NAALADL2: variants seen among roughly 807,000 people sequenced by gnomAD.
NAALADL2 encodes N-acetylated alpha-linked acidic dipeptidase like 2.
Under a neutral mutation model 87.2 loss-of-function variants are expected in NAALADL2, and 76 were observed. The observed-to-expected ratio is 0.87, with a 90% CI of 0.72 to 1.05. NAALADL2 has a LOEUF of 1.05. Among genes scored for constraint, NAALADL2 ranks in the 50% least tolerant of loss-of-function variants. NAALADL2 has a pLI of 0.00. For synonymous variants in NAALADL2, 354 were observed against 331.0 expected (o/e 1.07, Z -0.75); for missense variants, 1,089 against 945.8 (o/e 1.15, Z -1.99).
chr3:175,007,927 G>C (rs781012366), intron 1 of NAALADL2, among the ~76,000 whole-genome samples: 1 of 151,984 alleles, frequency 6.6e-6, no homozygotes, highest in Non-Finnish European at 1.5e-5. Flanking sequence ...AGCCACCATC[G>C]ATCTGATAAC....
At chr3:175,117,566 G>A (rs113773682) in intron 2 of NAALADL2, among the ~76,000 whole-genome samples, 89,635 of 149,052 alleles carry the variant, frequency 0.6, 27,468 homozygotes, top group African/African-American at 0.73. Context: ...CCACAATGAG[G>A]TACCATCTCA....
intron 13 of NAALADL2, 22 bp from the exon 14 acceptor site, chr3:175,802,983 T>C (rs777169611): frequency 2.6e-6 from 4 of 1,537,156 alleles, no homozygotes; most frequent in South Asian, 2.3e-5. Context: ...GAAACATTTA[T>C]ACATTTTGTA....
intron 2 of NAALADL2, among the ~76,000 whole-genome samples, chr3:174,701,748 T>C (rs1157663974): frequency 6.6e-6 from 1 of 152,198 alleles, no homozygotes; most frequent in Non-Finnish European, 1.5e-5. Flanking sequence ...CCAGCATCCA[T>C]CCATGTTGTA....
At chr3:174,725,817 C>T (rs990271572) in intron 2 of NAALADL2, among the ~76,000 whole-genome samples, 22 of 152,260 alleles carry the variant, frequency 1.4e-4, no homozygotes, top group African/African-American at 5.1e-4. Context: ...CAGTAATCAA[C>T]CTAAAGCCAC....
At chr3:175,574,196 T>C (rs1718520979) in intron 9 of NAALADL2, among the ~76,000 whole-genome samples, 1 of 152,192 alleles carries the variant, frequency 6.6e-6, no homozygotes, top group South Asian at 2.1e-4. Context: ...GCAAAAGACA[T>C]GGTGATCTGA....
intron 2 of NAALADL2, among the ~76,000 whole-genome samples, chr3:175,105,491 ATG>A (rs60465385): frequency 0.43 from 63,819 of 149,878 alleles, 13,633 homozygotes; most frequent in East Asian, 0.52. Context: ...CTATGTATGT[ATG>A]TGTGTGTATA....
chr3:175,734,350 C>G (rs1744210013), intron 11 of NAALADL2, among the ~76,000 whole-genome samples: 1 of 151,988 alleles, frequency 6.6e-6, no homozygotes, highest in Non-Finnish European at 1.5e-5. Flanking sequence ...GTCAGGAGAT[C>G]AAGACCATCC....
chr3:175,045,296 A>G (rs1428058655), intron 1 of NAALADL2, among the ~76,000 whole-genome samples: 1 of 152,100 alleles, frequency 6.6e-6, no homozygotes, highest in Non-Finnish European at 1.5e-5. Flanking sequence ...GAAAATTTCT[A>G]TTAGTTCATT....
At chr3:174,858,414 C>T (rs1384139744), upstream of NAALADL2, among the ~76,000 whole-genome samples, 1 of 151,888 alleles carries the variant, frequency 6.6e-6, no homozygotes, top group East Asian at 1.9e-4. Flanking sequence ...ATTTGTTGCT[C>T]TTGTTTGCTG....
intron 1 of NAALADL2, among the ~76,000 whole-genome samples, chr3:175,056,107 C>T (rs1043021348): frequency 1.3e-5 from 2 of 152,072 alleles, no homozygotes; most frequent in Non-Finnish European, 2.9e-5. Context: ...GAGGCAACTA[C>T]TTTTTGCCCA....
At chr3:175,526,750 C>T (rs1002325155) in intron 9 of NAALADL2, among the ~76,000 whole-genome samples, 2 of 152,124 alleles carry the variant, frequency 1.3e-5, no homozygotes, top group Non-Finnish European at 2.9e-5. Context: ...TATTGTTCTG[C>T]TTTAATTTGT....
chr3:174,594,173 A>G lies in NAALADL2; in HGVS notation c.-115+43536A>G, dbSNP rs1012841391. Among the ~76,000 whole-genome samples the G allele has an allele frequency of 3.9e-5, 6 of 152,190 alleles. No individual in the cohort carries two copies. In the East Asian group the frequency reaches 1.2e-3, roughly 29 times the overall value. ...ACTTTCATGAATAATACTTGGGCAT[A>G]ATAATTGCCAATATACTTTGGCATA... On this transcript the variant is annotated intron_variant, in intron 2 of 3. Transcript: ENST00000434257.
chr3:174,775,978 T>A (rs941361407), intron 3 of NAALADL2, among the ~76,000 whole-genome samples: 3 of 152,174 alleles, frequency 2.0e-5, no homozygotes, highest in African/African-American at 7.2e-5. Flanking sequence ...GGATGCTGAC[T>A]TTAAAATGTC....
chr3:175,281,218 G>T (rs145397990), intron 4 of NAALADL2, among the ~76,000 whole-genome samples: 2 of 151,096 alleles, frequency 1.3e-5, no homozygotes, highest in African/African-American at 4.9e-5. Context: ...ACTATCTTCC[G>T]TCCATAATCC....
In NAALADL2 at chr3:174,749,108, C is replaced by T. The variant is rs74505989; in HGVS notation, c.-9+11362C>T. 4.1e-3 allele frequency among the ~76,000 whole-genome samples: 613 copies of T among 147,906 alleles called. 1 individual carries two copies. Among genetic ancestry groups the T allele is most frequent in the African/African-American group, 0.015 (592 of 40,024 alleles). Reference sequence around the variant, plus strand: ...AATCTCCCTATATGCTTTCACATCCCCTGTTCTACCATGCCTAATCCCAAT... The same window carrying T: ...AATCTCCCTATATGCTTTCACATCCTCTGTTCTACCATGCCTAATCCCAAT... On this transcript the variant is annotated intron_variant, in intron 3 of 3. Coordinates refer to the NAALADL2 transcript ENST00000434257.
chr3:175,147,268 G>A (rs1052296730), intron 2 of NAALADL2, among the ~76,000 whole-genome samples: 1 of 152,054 alleles, frequency 6.6e-6, no homozygotes, highest in Non-Finnish European at 1.5e-5. Context: ...ACTCCCCAGT[G>A]TCTATTGTTG....
At chr3:175,574,423 C>T (rs1388915981) in intron 9 of NAALADL2, among the ~76,000 whole-genome samples, 1 of 152,128 alleles carries the variant, frequency 6.6e-6, no homozygotes, top group Non-Finnish European at 1.5e-5. Context: ...TAGTAGAGTA[C>T]TGATTGGGTG....
intron 10 of NAALADL2, among the ~76,000 whole-genome samples, chr3:175,592,851 G>A (rs1349680319): frequency 2.0e-5 from 3 of 151,166 alleles, no homozygotes; most frequent in Admixed American, 1.3e-4. Flanking sequence ...TAACTAACCT[G>A]CACATTGTGC....
intron 5 of NAALADL2, among the ~76,000 whole-genome samples, chr3:175,436,688 T>C (rs1167358108): frequency 1.7e-5 from 1 of 59,836 alleles, no homozygotes; most frequent in Non-Finnish European, 3.6e-5. Flanking sequence ...GCCCACTTTT[T>C]GATGGGGTTG....
Sources: gnomAD v4.1 joint callset for allele counts (sites outside exome capture counted in the v4.1 genomes callset) on GRCh38, gnomAD v4.1.1 for gene constraint, MANE v1.5 for transcripts, NCBI Gene and HGNC (gene_info 2026-07-23, HGNC 2026-07-21) for gene names.